FOCAD: variants seen among roughly 807,000 people sequenced by gnomAD.
FOCAD encodes the protein focadhesin, also known as KIAA1797.
A neutral mutation model predicts 225.6 loss-of-function variants in FOCAD; 198 were observed. That is an observed-to-expected ratio of 0.88 (90% confidence interval 0.78 to 0.99). The LOEUF (loss-of-function observed/expected upper bound fraction) is 0.99, where lower values mean the gene tolerates loss of function less well. Ranked by LOEUF, FOCAD falls within the 50% of genes least tolerant of loss-of-function variation. The probability of loss-of-function intolerance (pLI) is 0.00; values close to 1 mark genes in which losing one functional copy is unlikely to be tolerated. For synonymous variants in FOCAD, 897 were observed against 755.0 expected (o/e 1.19, Z -3.08); for missense variants, 2,713 against 2,123.6 (o/e 1.28, Z -5.46).
At chr9:20,882,379 G>T (rs554177707) in intron 20 of FOCAD, among the ~76,000 whole-genome samples, 1 of 152,156 alleles carries the variant, frequency 6.6e-6, no homozygotes, top group South Asian at 2.1e-4. Context: ...GGACTAGGGC[G>T]ACAAATTAGA....
chr9:20,742,923 C>T (rs1827750624), intron 5 of FOCAD, among the ~76,000 whole-genome samples: 1 of 152,270 alleles, frequency 6.6e-6, no homozygotes, highest in South Asian at 2.1e-4. Context: ...TTGGCATAAT[C>T]TGGTAATGTT....
At chr9:20,714,800 C>T (rs1231664483) in intron 1 of FOCAD, among the ~76,000 whole-genome samples, 5 of 151,920 alleles carry the variant, frequency 3.3e-5, no homozygotes, top group Non-Finnish European at 2.9e-5. Flanking sequence ...TTGCTTGTTC[C>T]TCCTTTAGGA....
In FOCAD at chr9:20,933,265, G is replaced by A. The variant is rs571928719; in HGVS notation, c.3407+162G>A. Among the ~76,000 whole-genome samples the A allele has an allele frequency of 6.2e-4, 94 of 152,236 alleles. 1 individual carries two copies. Among genetic ancestry groups the A allele is most frequent in the African/African-American group, 2.2e-3 (91 of 41,558 alleles). ...TGGTTACATGAGTAAGTTCTTTAGT[G>A]GTGATTTGTGAGATTTTGGTGCCCC... On this transcript the variant is annotated intron_variant, in intron 28 of 43. Coordinates refer to ENST00000338382, the MANE Select transcript of FOCAD (RefSeq NM_001375567.1).
Position 20,982,527 on chromosome 9 carries a change from A to G in FOCAD, c.4728+81A>G, listed in dbSNP as rs1840793650. On this transcript the variant is annotated intron_variant, in intron 39 of 43. Coordinates refer to ENST00000338382, the MANE Select transcript of FOCAD (RefSeq NM_001375567.1). ...AATAATTGATTTCAGTGTTTGGCTG[A>G]AGCAAGTTTTGCTTCATTTTTGTTA... 54 of 1,185,404 alleles carry G rather than the reference A, an allele frequency of 4.6e-5. 1 individual carries two copies. The South Asian group carries it at 7.0e-4, about 15-fold the overall frequency. 73.4% of individuals were successfully genotyped at this position (1,185,404 alleles called of 1,614,324 possible). A position where few individuals can be genotyped will look rare whatever the true frequency, so the allele number is the denominator to read the frequency against.
intron 18 of FOCAD, among the ~76,000 whole-genome samples, chr9:20,871,041 A>G (rs1829717113): frequency 6.6e-6 from 1 of 152,018 alleles, no homozygotes. Context: ...CCTCTCAACT[A>G]AAAATACAAG....
intron 21 of FOCAD, among the ~76,000 whole-genome samples, chr9:20,889,890 GA>G (rs1202466792): frequency 2.6e-5 from 4 of 151,950 alleles, no homozygotes; most frequent in Non-Finnish European, 5.9e-5. Context: ...TGTCTATGTT[GA>G]TTTTTTTTGT....
chr9:20,707,181 A>G (rs1824459518), intron 1 of FOCAD, among the ~76,000 whole-genome samples: 1 of 152,184 alleles, frequency 6.6e-6, no homozygotes, highest in South Asian at 2.1e-4. Context: ...TCTGATTATA[A>G]TATTGACCAA....
At chr9:20,748,282 A>G (rs1435003155) in intron 5 of FOCAD, among the ~76,000 whole-genome samples, 1 of 152,074 alleles carries the variant, frequency 6.6e-6, no homozygotes, top group Non-Finnish European at 1.5e-5. Context: ...AGAACATATC[A>G]TATAACTTTT....
intron 7 of FOCAD, 32 bp downstream of exon 7, chr9:20,765,105 G>A (rs1020896433): frequency 6.4e-7 from 1 of 1,567,150 alleles, no homozygotes; most frequent in African/African-American, 1.4e-5. Context: ...ACAAATATAG[G>A]TCAGCATCAG....
intron 7 of FOCAD, among the ~76,000 whole-genome samples, chr9:20,766,206 C>T (rs376867608): frequency 2.6e-5 from 4 of 151,894 alleles, no homozygotes; most frequent in East Asian, 3.9e-4. Context: ...GAAATGAGCT[C>T]GGTGGAATAT....
At chr9:20,660,179 G>A (rs917431068) in intron 2 of FOCAD, among the ~76,000 whole-genome samples, 3 of 152,176 alleles carry the variant, frequency 2.0e-5, no homozygotes, top group Non-Finnish European at 4.4e-5. Flanking sequence ...AATAACTTGT[G>A]AGCCATCAGC....
intron 11 of FOCAD, among the ~76,000 whole-genome samples, chr9:20,790,123 A>G (rs1335418925): frequency 6.6e-6 from 1 of 152,206 alleles, no homozygotes; most frequent in Admixed American, 6.5e-5. Flanking sequence ...GCATGCTAGG[A>G]TATGAGGGTA....
chr9:20,721,457 T>A (rs976899765), intron 4 of FOCAD, among the ~76,000 whole-genome samples: 3 of 152,102 alleles, frequency 2.0e-5, no homozygotes, highest in African/African-American at 7.2e-5. Flanking sequence ...ATCCTAGCAC[T>A]TTGGGAGGCT....
rs1837816744 is a variant in FOCAD, at chr9:20,952,987, C to T, written c.4054C>T (p.Pro1352Ser). Residue 1352 changes from proline (P) to serine (S), a missense_variant and splice_region_variant, in exon 35 of 44, where the codon CCT (proline) becomes TCT (serine). Transcript: ENST00000338382. ...LSSSQSRASVPTDYSYLPESS... is the reference protein window; with the variant it reads ...LSSSQSRASVSTDYSYLPESS... ...TTGATCATTTTCTGTCTCCACAGTTCCTACTGACTATAGCTACTTGCCTGA... is the reference window on the plus strand; with the variant it reads ...TTGATCATTTTCTGTCTCCACAGTTTCTACTGACTATAGCTACTTGCCTGA... The T allele has an allele frequency of 1.9e-6, 3 of 1,612,814 alleles. No homozygotes were observed. The highest frequency in any genetic ancestry group is 2.5e-6 in the Non-Finnish European group (3 of 1,179,122).
chr9:20,690,707 C>G (rs533373527), intron 1 of FOCAD, among the ~76,000 whole-genome samples: 2 of 152,180 alleles, frequency 1.3e-5, no homozygotes, highest in East Asian at 3.9e-4. Flanking sequence ...GCCACCATAC[C>G]TGGCTAATTT....
chr9:20,677,971 T>A (rs1395161827), intron 2 of FOCAD, among the ~76,000 whole-genome samples: 1 of 152,118 alleles, frequency 6.6e-6, no homozygotes. Context: ...TGTATGTATG[T>A]GTGTGTGTAT....
At chr9:20,659,843 A>G (rs1246213956) in intron 2 of FOCAD, among the ~76,000 whole-genome samples, 1 of 152,216 alleles carries the variant, frequency 6.6e-6, no homozygotes, top group Non-Finnish European at 1.5e-5. Context: ...AGTCTAGGCA[A>G]GAGATGGGAA....
intron 24 of FOCAD, among the ~76,000 whole-genome samples, chr9:20,922,421 G>A (rs1279111174): frequency 6.6e-6 from 1 of 152,152 alleles, no homozygotes; most frequent in Non-Finnish European, 1.5e-5. Flanking sequence ...AGGGAGAGGG[G>A]GAAGGAAGGA....
At chr9:20,934,652 A>G (rs1835789362) in intron 28 of FOCAD, among the ~76,000 whole-genome samples, 2 of 152,058 alleles carry the variant, frequency 1.3e-5, no homozygotes, top group African/African-American at 4.8e-5. Flanking sequence ...GCCTTATAGT[A>G]TAGTTTGAAA....
Sources: allele counts gnomAD v4.1 joint callset (sites outside exome capture counted in the v4.1 genomes callset), GRCh38; gene constraint gnomAD v4.1.1; transcripts MANE v1.5; gene names NCBI Gene and HGNC (gene_info 2026-07-23, HGNC 2026-07-21).